TRIM3: variants seen among roughly 807,000 people sequenced by gnomAD.
TRIM3 encodes the protein tripartite motif-containing protein 3.
In TRIM3, 13 loss-of-function variants were observed where a neutral mutation model predicts 66.6. The observed-to-expected ratio is 0.20, with a 90% confidence interval of 0.13 to 0.31. The LOEUF (loss-of-function observed/expected upper bound fraction) is 0.31, where lower values mean the gene tolerates loss of function less well. Ranked by LOEUF, TRIM3 falls within the 10% of genes least tolerant of loss-of-function variation. TRIM3 has a pLI of 1.00. For missense variants in TRIM3, 711 were observed against 1,020.4 expected (o/e 0.70, Z 4.13); for synonymous variants, 406 against 411.7 (o/e 0.99, Z 0.17).
chr11:6,449,008 C>A lies in TRIM3; in HGVS notation c.*20G>T. On this transcript the variant is annotated 3_prime_UTR_variant, in exon 12 of 12. Coordinates refer to ENST00000345851, the MANE Select transcript of TRIM3 (RefSeq NM_033278.4). This position sits in a 1 kb window ranked among gnomAD's most constrained non-coding sequence, Gnocchi z 5.3. ...CCCCAATGTCTGTCCCTCCACAAGC[C>A]AGGCAGGGCCTCTGTACAGCTACTG... 6.2e-7 allele frequency: 1 copy of A among 1,611,674 alleles called. No individual in the cohort carries two copies. The highest frequency in any genetic ancestry group is 8.5e-7 in the Non-Finnish European group (1 of 1,177,912).
intron 7 of TRIM3, among the ~76,000 whole-genome samples, chr11:6,455,257 TA>T (rs1328046334): frequency 3.0e-5 from 4 of 132,562 alleles, no homozygotes; most frequent in Admixed American, 2.1e-4. Context: ...ATACTTTTCC[TA>T]ATTTTACACA....
At chr11:6,462,236 C>G (rs113883114) in intron 2 of TRIM3, among the ~76,000 whole-genome samples, 1 of 151,708 alleles carries the variant, frequency 6.6e-6, no homozygotes, top group East Asian at 1.9e-4. Context: ...CTGCAGCTCT[C>G]GTTTTCTTGA....
At chr11:6,462,461 G>A (rs1202144377) in intron 2 of TRIM3, among the ~76,000 whole-genome samples, 2 of 152,086 alleles carry the variant, frequency 1.3e-5, no homozygotes, top group Admixed American at 6.5e-5. Context: ...AGGCTAGAGT[G>A]CAGTGATGTG....
chr11:6,453,579 A>G (rs888084658), intron 7 of TRIM3, among the ~76,000 whole-genome samples: 4 of 152,248 alleles, frequency 2.6e-5, no homozygotes, highest in Non-Finnish European at 5.9e-5. Context: ...AAAGTACTAT[A>G]GCAAAAGGCT....
At position 6,462,669 on chromosome 11, in the gene TRIM3, C is replaced by G. The variant is rs113232884; in HGVS notation, c.131+2896G>C. Among the ~76,000 whole-genome samples, 577 of 152,234 alleles carry G rather than the reference C, an allele frequency of 3.8e-3. 6 individuals are homozygous for G. Among genetic ancestry groups the G allele is most frequent in the African/African-American group, 0.013 (544 of 41,542 alleles). On this transcript the variant is annotated intron_variant, in intron 2 of 11. Coordinates refer to ENST00000345851, the MANE Select transcript of TRIM3 (RefSeq NM_033278.4). ...TCAAGTGATCCTCCCACCTTGGCCT[C>G]CCAAAGTGCTGGGATTACAGGCATG...
chr11:6,468,235 T>C (rs576656382), intron 1 of TRIM3, among the ~76,000 whole-genome samples: 1 of 152,354 alleles, frequency 6.6e-6, no homozygotes, highest in South Asian at 2.1e-4. Context: ...GGGCCATGAA[T>C]AGAGACAGTG....
Position 6,457,851 on chromosome 11 carries a change from C to A in TRIM3, c.364-4G>T, listed in dbSNP as rs566535225. On this transcript the variant is annotated splice_polypyrimidine_tract_variant and splice_region_variant and intron_variant, in intron 3 of 11. Transcript: ENST00000345851. This position sits in a 1 kb window ranked among gnomAD's most constrained non-coding sequence, Gnocchi z 4.5. ...CCTCACAGTAAAACTCCATCGTCTG[C>A]GGTACAAGGACTCCAGTCGGGTAAT... 5.0e-6 allele frequency: 8 copies of A among 1,614,158 alleles called. No homozygotes were observed. The East Asian group carries it at 1.3e-4, about 27-fold the overall frequency.
At chr11:6,462,435 CCT>C (rs1185280920) in intron 2 of TRIM3, among the ~76,000 whole-genome samples, 1 of 151,910 alleles carries the variant, frequency 6.6e-6, no homozygotes, top group Admixed American at 6.6e-5. Flanking sequence ...TAAGATAGAG[CCT>C]CTCTCTGTCA....
chr11:6,454,194 T>C (rs1423810078), intron 7 of TRIM3, among the ~76,000 whole-genome samples: 1 of 151,832 alleles, frequency 6.6e-6, no homozygotes, highest in African/African-American at 2.4e-5. Flanking sequence ...GCCCAAACAA[T>C]ATAGTGAAAC....
chr11:6,459,004 T>C (rs1850106986), intron 2 of TRIM3, among the ~76,000 whole-genome samples: 1 of 152,232 alleles, frequency 6.6e-6, no homozygotes, highest in African/African-American at 2.4e-5. Flanking sequence ...TATGGTAGGC[T>C]ACTTGTATTA....
At chr11:6,459,893 G>C (rs1385211147) in intron 2 of TRIM3, among the ~76,000 whole-genome samples, 1 of 152,212 alleles carries the variant, frequency 6.6e-6, no homozygotes, top group Non-Finnish European at 1.5e-5. Flanking sequence ...TGAATTTACT[G>C]TAACAATAAA....
At chr11:6,461,505 A>T (rs1589833455) in intron 2 of TRIM3, among the ~76,000 whole-genome samples, 1 of 119,546 alleles carries the variant, frequency 8.4e-6, no homozygotes, top group East Asian at 2.3e-4. Context: ...CATCATTCTC[A>T]GTGGCACTAA....
chr11:6,456,947 C>A lies in TRIM3; in HGVS notation c.779G>T (p.Arg260Leu), dbSNP rs770574279. The change falls in exon 6 of 12, where the codon CGC becomes CTC. Residue 260 changes from arginine to leucine, a missense_variant. Arg to Leu is a moderately radical substitution (Grantham distance 102, BLOSUM62 -2). This residue lies in a region of TRIM3 where 399 missense variants were observed against 458.1 expected (regional missense o/e 0.87). Coordinates refer to ENST00000345851, the MANE Select transcript of TRIM3 (RefSeq NM_033278.4). The surrounding 1 kb of genome is among the most constrained non-coding windows in gnomAD (Gnocchi z 6.4). ...CAACACCTCCGGGGCCGAGCCCAGG[C>A]GCAGTGCCTGCTCTGCAAAGCTGCA... ...SSCSFAEQAL[R>L]LGSAPEVLLV... is the part of the protein sequence containing the mutation. The A allele has an allele frequency of 9.9e-6, 16 of 1,609,908 alleles. No individual in the cohort carries two copies. In the African/African-American group the frequency reaches 1.1e-4, roughly 11 times the overall value.
At position 6,458,343 on chromosome 11, in the gene TRIM3, A is replaced by C; in HGVS notation, c.132-47T>G. 1 of 1,519,380 alleles carries C rather than the reference A, an allele frequency of 6.6e-7. No homozygotes were observed. Among genetic ancestry groups the C allele is most frequent in the Non-Finnish European group, 9.1e-7 (1 of 1,102,338 alleles). The allele number at this position is 1,519,380 out of a possible 1,614,324, so 94.1% of individuals were successfully genotyped here. The stretch of plus-strand genomic sequence containing the variant: ...AGAACAGAGTGGGTGGGGTGGCATA[A>C]GTGCACCCTTCCTTATACTTCCCAT... On this transcript the variant is annotated intron_variant, in intron 2 of 11. Coordinates refer to ENST00000345851, the MANE Select transcript of TRIM3 (RefSeq NM_033278.4). The surrounding 1 kb of genome is among the most constrained non-coding windows in gnomAD (Gnocchi z 6.2).
chr11:6,449,514 TAGGGTGAAGCCCC>T lies in TRIM3; in HGVS notation c.1942-81_1942-69del, dbSNP rs886555796. 2.0e-6 allele frequency: 3 copies of T among 1,509,130 alleles called. No individual in the cohort carries two copies. In the African/African-American group the frequency reaches 4.1e-5, roughly 21 times the overall value. 93.5% of individuals were successfully genotyped at this position (1,509,130 alleles called of 1,614,324 possible). A position where few individuals can be genotyped will look rare whatever the true frequency, so the allele number is the denominator to read the frequency against. On this transcript the variant is annotated intron_variant, in intron 10 of 11. Transcript: ENST00000345851. The surrounding 1 kb of genome is among the most constrained non-coding windows in gnomAD (Gnocchi z 5.3). ...CAGAGGGTAGGGCTTTGGAGGAGGA[TAGGGTGAAGCCCC>T]AGGGCTGAGAACCCCCACCCAGATC...
intron 2 of TRIM3, among the ~76,000 whole-genome samples, chr11:6,460,359 A>T (rs1850173204): frequency 6.6e-6 from 1 of 152,100 alleles, no homozygotes; most frequent in South Asian, 2.1e-4. Context: ...GAGGGGTTGG[A>T]TGGTGCTAGA....
chr11:6,460,606 G>A (rs1227747146), intron 2 of TRIM3, among the ~76,000 whole-genome samples: 1 of 152,010 alleles, frequency 6.6e-6, no homozygotes, highest in Non-Finnish European at 1.5e-5. Context: ...AAGGATGGAG[G>A]ATTCAGGGGC....
At chr11:6,459,148 TGACCAAAGAATGGTGCAG>T (rs1225581786) in intron 2 of TRIM3, among the ~76,000 whole-genome samples, 1 of 152,198 alleles carries the variant, frequency 6.6e-6, no homozygotes, top group Non-Finnish European at 1.5e-5. Flanking sequence ...ATTGTTAGCC[TGACCAAAGAATGGTGCAG>T]GCAGAGGGGG....
chr11:6,449,428 C>T lies in TRIM3; in HGVS notation c.1960G>A (p.Glu654Lys). ...TGGGAGCCAAACTTGAAGAGGAACTCTCCATCGGCACTGTACACCTGGCGG... is the reference window on the plus strand; with the variant it reads ...TGGGAGCCAAACTTGAAGAGGAACTTTCCATCGGCACTGTACACCTGGCGG... ...HSVKVYSADG[E>K]FLFKFGSHGE... The change falls in exon 11 of 12, where the codon GAG becomes AAG. Residue 654 changes from glutamate to lysine, a missense_variant. By Grantham distance (56) the Glu-to-Lys change is moderately conservative. Transcript: ENST00000345851. This position sits in a 1 kb window ranked among gnomAD's most constrained non-coding sequence, Gnocchi z 5.3. 1 of 1,613,964 alleles carries T rather than the reference C, an allele frequency of 6.2e-7. No individual in the cohort carries two copies. Among genetic ancestry groups the T allele is most frequent in the Non-Finnish European group, 8.5e-7 (1 of 1,179,934 alleles).
Sources: allele counts gnomAD v4.1 joint callset (sites outside exome capture counted in the v4.1 genomes callset), GRCh38; gene constraint gnomAD v4.1.1; regional missense constraint gnomAD v4.1.1; non-coding constraint Gnocchi (gnomAD v3.1); transcripts MANE v1.5; gene names NCBI Gene and HGNC (gene_info 2026-07-23, HGNC 2026-07-21).